KCNS3: variants seen among roughly 807,000 people sequenced by gnomAD.
The protein encoded by KCNS3 is potassium voltage-gated channel modifier subfamily S member 3.
Under a neutral mutation model 31.0 loss-of-function variants are expected in KCNS3, and 13 were observed. The ratio of observed to expected loss-of-function variants is 0.42; its 90% CI spans 0.27 to 0.67. The LOEUF (loss-of-function observed/expected upper bound fraction) is 0.67. Among genes scored for constraint, KCNS3 ranks in the 30% least tolerant of loss-of-function variants. KCNS3 has a pLI of 0.25. For missense variants in KCNS3, 545 were observed against 622.4 expected (o/e 0.88, Z 1.32); for synonymous variants, 238 against 241.5 (o/e 0.99, Z 0.13).
intron 1 of KCNS3, among the ~76,000 whole-genome samples, chr2:17,888,641 A>ATATATATATC (rs1661759044): frequency 2.7e-5 from 2 of 73,274 alleles, no homozygotes; most frequent in African/African-American, 8.3e-5. Context: ...ATATATATAT[A>ATATATATATC]TATATATATA....
At position 17,932,493 on chromosome 2, in the gene KCNS3, G is replaced by T; in HGVS notation, c.*9G>T. The T allele has an allele frequency of 6.3e-7, 1 of 1,595,306 alleles. No homozygotes were observed. Among genetic ancestry groups the T allele is most frequent in the Non-Finnish European group, 8.5e-7 (1 of 1,171,452 alleles). ...ATTGCACAGCAAAATGAGCGGGGGT[G>T]TTTGTGCCTGTTTCTCTTATCCTTT... On this transcript the variant is annotated 3_prime_UTR_variant, in exon 3 of 3. Transcript: ENST00000304101.
At chr2:17,889,160 T>C (rs1661776450) in intron 1 of KCNS3, among the ~76,000 whole-genome samples, 2 of 152,170 alleles carry the variant, frequency 1.3e-5, no homozygotes, top group Non-Finnish European at 2.9e-5. Context: ...GTTAGGTATA[T>C]TCCTAAGTAT....
At chr2:17,930,149 G>A (rs2125255380) in intron 2 of KCNS3, among the ~76,000 whole-genome samples, 1 of 152,258 alleles carries the variant, frequency 6.6e-6, no homozygotes, top group Admixed American at 6.5e-5. Context: ...TATAGATTAG[G>A]GCCACGTGGG....
intron 1 of KCNS3, among the ~76,000 whole-genome samples, chr2:17,897,787 A>G (rs2125238172): frequency 6.6e-6 from 1 of 152,266 alleles, no homozygotes; most frequent in African/African-American, 2.4e-5. Context: ...ATTAGGTCCC[A>G]CTAGTCAATT....
chr2:17,899,600 C>T (rs1662117469), intron 1 of KCNS3, among the ~76,000 whole-genome samples: 1 of 152,150 alleles, frequency 6.6e-6, no homozygotes, highest in African/African-American at 2.4e-5. Context: ...ACCCCTGAGG[C>T]CTCAGTATCC....
intron 1 of KCNS3, among the ~76,000 whole-genome samples, chr2:17,879,948 C>T (rs1674607061): frequency 6.6e-6 from 1 of 152,136 alleles, no homozygotes; most frequent in South Asian, 2.1e-4. Context: ...CCGGAGCCTT[C>T]GTTCGGGTTT....
chr2:17,921,846 T>G (rs946687040), intron 2 of KCNS3, among the ~76,000 whole-genome samples: 3 of 148,062 alleles, frequency 2.0e-5, no homozygotes, highest in Non-Finnish European at 4.5e-5. Flanking sequence ...GAGATTTGGG[T>G]GGGGACACAG....
chr2:17,883,632 G>A (rs1572475159), intron 1 of KCNS3, among the ~76,000 whole-genome samples: 4 of 152,160 alleles, frequency 2.6e-5, no homozygotes, highest in African/African-American at 7.2e-5. Context: ...ATTCCAGGCT[G>A]AGGATTCTAA....
intron 2 of KCNS3, among the ~76,000 whole-genome samples, chr2:17,926,429 C>G (rs1662838712): frequency 2.0e-5 from 3 of 152,242 alleles, no homozygotes. Flanking sequence ...CCCACATTTC[C>G]TTTCTGCACT....
At position 17,932,334 on chromosome 2, in the gene KCNS3, T is replaced by C; in HGVS notation, c.1326T>C (p.Asp442=). 6.2e-7 allele frequency: 1 copy of C among 1,614,046 alleles called. No individual in the cohort carries two copies. The highest frequency in any genetic ancestry group is 8.5e-7 in the Non-Finnish European group (1 of 1,179,964). The change falls in exon 3 of 3, where the codon GAT becomes GAC. Residue 442 remains aspartate (D), a synonymous_variant. Transcript: ENST00000304101. ...CHELPYFNIR[D]IYAQRMHTFI... ...AGCTACCTTACTTTAACATTAGGGATATATATGCACAGCGGATGCACACCT... is the reference window on the plus strand; with the variant it reads ...AGCTACCTTACTTTAACATTAGGGACATATATGCACAGCGGATGCACACCT...
At chr2:17,902,308 A>G (rs550165053) in intron 1 of KCNS3, among the ~76,000 whole-genome samples, 29 of 151,632 alleles carry the variant, frequency 1.9e-4, no homozygotes, top group South Asian at 1.5e-3. Context: ...AAGCTGTGTT[A>G]CAGAGAGGAA....
In KCNS3 at chr2:17,932,151, G is replaced by A; in HGVS notation, c.1143G>A (p.Leu381=). Residue 381 remains leucine, a synonymous_variant, in exon 3 of 3, where the codon TTG becomes TTA. Coordinates refer to ENST00000304101, the MANE Select transcript of KCNS3 (RefSeq NM_002252.5). ...VGYGDTHPVT[L]AGKLIASTCI... Reference sequence around the variant, plus strand: ...ATGGAGACACCCACCCGGTCACCTTGGCGGGAAAGCTCATCGCCAGCACAT... The same window carrying A: ...ATGGAGACACCCACCCGGTCACCTTAGCGGGAAAGCTCATCGCCAGCACAT... The A allele has an allele frequency of 2.5e-6, 4 of 1,614,004 alleles. No individual in the cohort carries two copies. Among genetic ancestry groups the A allele is most frequent in the Non-Finnish European group, 2.5e-6 (3 of 1,180,012 alleles).
intron 1 of KCNS3, among the ~76,000 whole-genome samples, chr2:17,899,297 T>C (rs1181938955): frequency 6.6e-6 from 1 of 152,178 alleles, no homozygotes; most frequent in Non-Finnish European, 1.5e-5. Context: ...ACTTACATAA[T>C]GTGCGAGACA....
intron 1 of KCNS3, among the ~76,000 whole-genome samples, chr2:17,883,019 A>G (rs568355140): frequency 1.3e-5 from 2 of 152,326 alleles, no homozygotes; most frequent in African/African-American, 4.8e-5. Flanking sequence ...TTGCACTACG[A>G]TTTGCTTTGA....
intron 1 of KCNS3, among the ~76,000 whole-genome samples, chr2:17,906,250 A>C (rs1322928118): frequency 6.6e-6 from 1 of 152,128 alleles, no homozygotes; most frequent in Admixed American, 6.5e-5. Flanking sequence ...ATTTGCATAG[A>C]GATGTTTATA....
At chr2:17,891,621 G>C (rs1661857777) in intron 1 of KCNS3, among the ~76,000 whole-genome samples, 1 of 152,116 alleles carries the variant, frequency 6.6e-6, no homozygotes, top group Admixed American at 6.5e-5. Context: ...GTGGTGGCTT[G>C]GTAATGGCGA....
chr2:17,920,256 A>G (rs1055616449), intron 2 of KCNS3, among the ~76,000 whole-genome samples: 5 of 152,250 alleles, frequency 3.3e-5, no homozygotes, highest in Non-Finnish European at 7.3e-5. Context: ...ACCAAAAAGC[A>G]GTTCTGTCCA....
rs1441217452 is a variant in KCNS3, at chr2:17,932,449, A to T, written c.1441A>T (p.Asn481Tyr). The change falls in exon 3 of 3, where the codon AAC becomes TAC. Residue 481 changes from asparagine to tyrosine, a missense_variant. By Grantham distance (143) the Asn-to-Tyr change is moderately radical. Coordinates refer to ENST00000304101, the MANE Select transcript of KCNS3 (RefSeq NM_002252.5). ...SSIEDNEDIC[N>Y]TTSLENCTAK ...CATTGAAGACAATGAGGACATTTGTAACACCACCTCCTTGGAGAATTGCAC... is the reference window on the plus strand; with the variant it reads ...CATTGAAGACAATGAGGACATTTGTTACACCACCTCCTTGGAGAATTGCAC... The T allele has an allele frequency of 1.2e-6, 2 of 1,613,598 alleles. No individual in the cohort carries two copies. Among genetic ancestry groups the T allele is most frequent in the African/African-American group, 2.7e-5 (2 of 75,048 alleles).
At position 17,905,977 on chromosome 2, in the gene KCNS3, A is replaced by AGAT. The variant is rs566556893; in HGVS notation, c.-251-11700_-251-11698dup. Among the ~76,000 whole-genome samples the AGAT allele has an allele frequency of 4.5e-3, 689 of 152,340 alleles. 2 individuals carry two copies. Among genetic ancestry groups the AGAT allele is most frequent in the African/African-American group, 0.015 (609 of 41,574 alleles). On this transcript the variant is annotated intron_variant, in intron 1 of 2. Coordinates refer to ENST00000304101, the MANE Select transcript of KCNS3 (RefSeq NM_002252.5). ...GTATCATGATGATGCTGGCCTGATA[A>AGAT]GATGAGTTAGGGAGGATTCCCTCTT...
Sources: gnomAD v4.1 joint callset for allele counts (sites outside exome capture counted in the v4.1 genomes callset) on GRCh38, gnomAD v4.1.1 for gene constraint, MANE v1.5 for transcripts, NCBI Gene and HGNC (gene_info 2026-07-23, HGNC 2026-07-21) for gene names.